IGF1R: variants seen among roughly 807,000 people sequenced by gnomAD.
IGF1R encodes insulin-like growth factor 1 receptor.
Under a neutral mutation model 144.6 loss-of-function variants are expected in IGF1R, and 44 were observed. That is an observed-to-expected ratio of 0.30 (90% CI 0.24 to 0.39). The LOEUF is 0.39. Ranked by LOEUF, IGF1R falls within the 10% of genes least tolerant of loss-of-function variation. The pLI is 1.00. For missense variants in IGF1R, 1,355 were observed against 1,833.7 expected (o/e 0.74, Z 4.77); for synonymous variants, 795 against 722.8 (o/e 1.10, Z -1.60).
chr15:98,789,237 A>T (rs1400252261), intron 2 of IGF1R, among the ~76,000 whole-genome samples: 2 of 152,236 alleles, frequency 1.3e-5, no homozygotes, highest in African/African-American at 2.4e-5. Context: ...GAAAGAAGAA[A>T]ACCCTCACTG....
At chr15:98,756,756 C>G (rs934922104) in intron 2 of IGF1R, among the ~76,000 whole-genome samples, 7 of 151,956 alleles carry the variant, frequency 4.6e-5, no homozygotes, top group African/African-American at 1.7e-4. Flanking sequence ...TATACATTTT[C>G]TTTGAAAATT....
At chr15:98,928,669 C>G (rs1345439162) in intron 13 of IGF1R, among the ~76,000 whole-genome samples, 1 of 152,200 alleles carries the variant, frequency 6.6e-6, no homozygotes, top group African/African-American at 2.4e-5. Context: ...TCTCCTCTCC[C>G]TTCCTCTCTG....
intron 2 of IGF1R, among the ~76,000 whole-genome samples, chr15:98,715,028 T>C (rs1174353183): frequency 6.6e-6 from 1 of 152,110 alleles, no homozygotes; most frequent in African/African-American, 2.4e-5. Context: ...GTGTTGTTGG[T>C]AGGAACTTGT....
intron 2 of IGF1R, among the ~76,000 whole-genome samples, chr15:98,765,514 G>A (rs545384331): frequency 6.6e-6 from 1 of 151,602 alleles, no homozygotes; most frequent in East Asian, 1.9e-4. Flanking sequence ...TGTAGAGATG[G>A]AGTGTTGCCA....
intron 1 of IGF1R, among the ~76,000 whole-genome samples, chr15:98,692,714 C>T (rs960209608): frequency 5.9e-5 from 9 of 152,154 alleles, no homozygotes; most frequent in African/African-American, 1.4e-4. Flanking sequence ...AGCTCTTTCC[C>T]GCAACAACTA....
At chr15:98,861,919 A>G (rs1237142688) in intron 2 of IGF1R, among the ~76,000 whole-genome samples, 1 of 152,250 alleles carries the variant, frequency 6.6e-6, no homozygotes, top group Non-Finnish European at 1.5e-5. Context: ...CAAAATAAAA[A>G]TGGTAGCTTT....
At chr15:98,855,941 C>T (rs2011788352) in intron 2 of IGF1R, among the ~76,000 whole-genome samples, 1 of 152,208 alleles carries the variant, frequency 6.6e-6, no homozygotes, top group Non-Finnish European at 1.5e-5. Flanking sequence ...AGAAGGAGGC[C>T]AGTTACTAGA....
In IGF1R at chr15:98,673,524, T is replaced by G. The variant is rs375212520; in HGVS notation, c.94+23849T>G. Among the ~76,000 whole-genome samples, 590 of 152,326 alleles carry G rather than the reference T, an allele frequency of 3.9e-3. 3 individuals are homozygous for G. Among genetic ancestry groups the G allele is most frequent in the African/African-American group, 0.014 (568 of 41,558 alleles). ...GACTTTTTAGTTGTTTCATTTGCTTTTAAGGCAGAAACACCTTTAACTCTT... is the reference window on the plus strand; with the variant it reads ...GACTTTTTAGTTGTTTCATTTGCTTGTAAGGCAGAAACACCTTTAACTCTT... On this transcript the variant is annotated intron_variant, in intron 1 of 20. Transcript: ENST00000650285.
At chr15:98,738,580 G>T (rs555215988) in intron 2 of IGF1R, among the ~76,000 whole-genome samples, 1 of 152,310 alleles carries the variant, frequency 6.6e-6, no homozygotes, top group South Asian at 2.1e-4. Context: ...CCTGACTTGT[G>T]TATTACTATG....
chr15:98,835,777 C>T (rs2057089431), intron 2 of IGF1R, among the ~76,000 whole-genome samples: 1 of 152,162 alleles, frequency 6.6e-6, no homozygotes, highest in Admixed American at 6.5e-5. Flanking sequence ...AAAATGAAGC[C>T]TCTGCATCCT....
chr15:98,935,728 C>A lies in IGF1R; in HGVS notation c.3297+302C>A, dbSNP rs1298924373. Among the ~76,000 whole-genome samples the A allele has an allele frequency of 6.6e-6, 1 of 151,754 alleles. No individual in the cohort carries two copies. The highest frequency in any genetic ancestry group is 1.5e-5 in the Non-Finnish European group (1 of 67,912). On this transcript the variant is annotated intron_variant, in intron 17 of 20. Coordinates refer to ENST00000650285, the MANE Select transcript of IGF1R (RefSeq NM_000875.5). This position sits in a 1 kb window ranked among gnomAD's most constrained non-coding sequence, Gnocchi z 4.2. The stretch of plus-strand genomic sequence containing the variant: ...CCCACATCAGTGTCCACCTGCCAAG[C>A]CAGGCCAGCGCCACTCCCTCCCCGA...
intron 1 of IGF1R, among the ~76,000 whole-genome samples, chr15:98,697,810 T>G (rs1429333279): frequency 6.6e-6 from 1 of 152,176 alleles, no homozygotes; most frequent in Non-Finnish European, 1.5e-5. Flanking sequence ...CGATCTCTGC[T>G]CACTGCAACC....
chr15:98,956,110 C>T (rs558362642), intron 20 of IGF1R, among the ~76,000 whole-genome samples: 2 of 152,346 alleles, frequency 1.3e-5, no homozygotes, highest in Non-Finnish European at 2.9e-5. Context: ...CGGGCCTTTC[C>T]TGGGTCAGGG....
At chr15:98,941,172 C>T (rs996481003) in intron 18 of IGF1R, among the ~76,000 whole-genome samples, 2 of 152,158 alleles carry the variant, frequency 1.3e-5, no homozygotes, top group African/African-American at 4.8e-5. Flanking sequence ...TTCCTCACCT[C>T]GGAAATAGGG....
At chr15:98,666,737 T>C (rs774336348) in intron 1 of IGF1R, among the ~76,000 whole-genome samples, 2 of 151,796 alleles carry the variant, frequency 1.3e-5, no homozygotes, top group Non-Finnish European at 2.9e-5. Flanking sequence ...GAATAGAGGC[T>C]GGGGGGAGGG....
At chr15:98,819,049 G>A (rs2056754801) in intron 2 of IGF1R, among the ~76,000 whole-genome samples, 1 of 152,138 alleles carries the variant, frequency 6.6e-6, no homozygotes, top group South Asian at 2.1e-4. Context: ...TTTGGGAAGT[G>A]TGTGGTGGAG....
chr15:98,803,360 C>T (rs796261262), intron 2 of IGF1R, among the ~76,000 whole-genome samples: 19 of 152,224 alleles, frequency 1.2e-4, no homozygotes, highest in African/African-American at 4.3e-4. Flanking sequence ...AAAAATGGTA[C>T]ACCTGTATAG....
chr15:98,914,879 T>C (rs1467945136), intron 8 of IGF1R, among the ~76,000 whole-genome samples: 5 of 152,190 alleles, frequency 3.3e-5, no homozygotes, highest in Admixed American at 1.3e-4. Context: ...GAAGTACTTA[T>C]TTTTGGAAAC....
At chr15:98,823,913 A>AG (rs1372396564) in intron 2 of IGF1R, among the ~76,000 whole-genome samples, 3 of 152,308 alleles carry the variant, frequency 2.0e-5, no homozygotes, top group African/African-American at 4.8e-5. Flanking sequence ...AGAGAGAAAG[A>AG]GGGGGAAAAA....
Sources: allele counts gnomAD v4.1 joint callset (sites outside exome capture counted in the v4.1 genomes callset), GRCh38; gene constraint gnomAD v4.1.1; non-coding constraint Gnocchi (gnomAD v3.1); transcripts MANE v1.5; gene names NCBI Gene and HGNC (gene_info 2026-07-23, HGNC 2026-07-21).